BMAL1: variants seen among roughly 807,000 people sequenced by gnomAD.
The protein encoded by BMAL1 is basic helix-loop-helix ARNT-like protein 1.
At chr11:13,377,111 T>C in the BMAL1 span, among the ~76,000 whole-genome samples, 220 of 152,264 alleles carry the variant, frequency 1.4e-3, no homozygotes, top group Admixed American at 3.3e-3. Context: ...GTGTGTACCA[T>C]ACCCACTGGG....
chr11:13,319,683 C>T, the BMAL1 span, among the ~76,000 whole-genome samples: 1 of 152,224 alleles, frequency 6.6e-6, no homozygotes, highest in African/African-American at 2.4e-5. Flanking sequence ...ATACTGTACA[C>T]AATTATTAAA....
the BMAL1 span, among the ~76,000 whole-genome samples, chr11:13,329,515 G>GT: frequency 3.9e-5 from 6 of 152,264 alleles, no homozygotes; most frequent in South Asian, 1.2e-3. Flanking sequence ...ATGGTGGGAG[G>GT]TGGGGGGTGA....
At chr11:13,366,176 G>C in the BMAL1 span, among the ~76,000 whole-genome samples, 1 of 152,188 alleles carries the variant, frequency 6.6e-6, no homozygotes, top group South Asian at 2.1e-4. Context: ...GAATCAAAAT[G>C]ACATTTATGT....
the BMAL1 span, among the ~76,000 whole-genome samples, chr11:13,291,816 G>GATACAGAATACTCTGTATA: frequency 6.6e-6 from 1 of 152,004 alleles, no homozygotes; most frequent in African/African-American, 2.4e-5. Flanking sequence ...TACTCTGTAT[G>GATACAGAATACTCTGTATA]ATACAGAATA....
At chr11:13,382,740 A>G in the BMAL1 span, among the ~76,000 whole-genome samples, 1 of 152,154 alleles carries the variant, frequency 6.6e-6, no homozygotes, top group African/African-American at 2.4e-5. Flanking sequence ...ATATTACTCA[A>G]AGAACTTTCA....
At chr11:13,379,303 T>TA in the BMAL1 span, 1 of 152,162 alleles carries the variant, frequency 6.6e-6, no homozygotes, top group Non-Finnish European at 1.5e-5. Context: ...GAACGAAACT[T>TA]AATGTAACAT....
At chr11:13,359,033 T>C in the BMAL1 span, among the ~76,000 whole-genome samples, 1 of 152,240 alleles carries the variant, frequency 6.6e-6, no homozygotes. Context: ...AGTCATGGGT[T>C]GTGGGTTCTC....
chr11:13,289,578 C>T, the BMAL1 span, among the ~76,000 whole-genome samples: 13 of 152,252 alleles, frequency 8.5e-5, no homozygotes, highest in East Asian at 7.7e-4. Flanking sequence ...TTCCCCGCCC[C>T]GTGTCCAAGT....
At chr11:13,357,947 C>A in the BMAL1 span, among the ~76,000 whole-genome samples, 1 of 152,190 alleles carries the variant, frequency 6.6e-6, no homozygotes, top group Non-Finnish European at 1.5e-5. This position sits in a 1 kb window ranked among gnomAD's most constrained non-coding sequence, Gnocchi z 4.8. Context: ...GCGTTGGTTA[C>A]TGGGTGCCCT....
At chr11:13,377,616 G>C in the BMAL1 span, among the ~76,000 whole-genome samples, 3 of 152,100 alleles carry the variant, frequency 2.0e-5, no homozygotes, top group African/African-American at 2.4e-5. Flanking sequence ...TGCCTTTTCT[G>C]TGTATCGTCC....
the BMAL1 span, among the ~76,000 whole-genome samples, chr11:13,347,531 T>A: frequency 1.1e-4 from 17 of 152,032 alleles, no homozygotes; most frequent in Non-Finnish European, 2.9e-5. Context: ...GTACTTGAAA[T>A]TTGGATCCTT....
At chr11:13,287,165 G>C in the BMAL1 span, among the ~76,000 whole-genome samples, 1 of 152,176 alleles carries the variant, frequency 6.6e-6, no homozygotes, top group Non-Finnish European at 1.5e-5. Context: ...TGATATTTAA[G>C]TGACGTTAGT....
At chr11:13,357,124 A>G in the BMAL1 span, 4 of 1,613,736 alleles carry the variant, frequency 2.5e-6, no homozygotes, top group Non-Finnish European at 3.4e-6. This position sits in a 1 kb window ranked among gnomAD's most constrained non-coding sequence, Gnocchi z 4.8. Flanking sequence ...TTTGTCTACA[A>G]AGCATCCTAG....
chr11:13,380,986 G>A, the BMAL1 span: 100 of 578,998 alleles, frequency 1.7e-4, no homozygotes, highest in Admixed American at 7.6e-4. Flanking sequence ...AGGCAGAGTT[G>A]AGCATTTGTG....
chr11:13,362,362 G>A, the BMAL1 span, among the ~76,000 whole-genome samples: 1 of 151,908 alleles, frequency 6.6e-6, no homozygotes, highest in Admixed American at 6.5e-5. Flanking sequence ...TTGAACTTAA[G>A]ATAGGACTTC....
chr11:13,284,259 TA>T, the BMAL1 span, among the ~76,000 whole-genome samples: 15 of 67,616 alleles, frequency 2.2e-4, 2 homozygotes, highest in East Asian at 1.6e-3. Flanking sequence ...TATATATATA[TA>T]TATATATTTT....
chr11:13,371,170 G>T, the BMAL1 span, among the ~76,000 whole-genome samples: 1 of 152,160 alleles, frequency 6.6e-6, no homozygotes, highest in Admixed American at 6.5e-5. Context: ...CAGACTCCAC[G>T]CTTGGCAGAC....
chr11:13,314,451 A>T, the BMAL1 span, among the ~76,000 whole-genome samples: 3 of 152,120 alleles, frequency 2.0e-5, no homozygotes, highest in Non-Finnish European at 2.9e-5. Flanking sequence ...TCTTCTTGTC[A>T]GCTTTGAGTG....
chr11:13,362,029 C>T, the BMAL1 span, among the ~76,000 whole-genome samples: 1 of 152,196 alleles, frequency 6.6e-6, no homozygotes, highest in African/African-American at 2.4e-5. Context: ...TTTCCAGCCT[C>T]CCTGGTGGAG....
Sources: gnomAD v4.1 joint callset for allele counts (sites outside exome capture counted in the v4.1 genomes callset) on GRCh38, gnomAD v4.1.1 for gene constraint, Gnocchi (gnomAD v3.1) non-coding constraint, MANE v1.5 for transcripts, NCBI Gene and HGNC (gene_info 2026-07-23, HGNC 2026-07-21) for gene names.